Variants in CD1B observed in about 807,000 individuals in gnomAD.
CD1B encodes CD1b molecule, also known as T-cell surface glycoprotein CD1b.
CD1B carries 43 observed loss-of-function variants against 39.8 expected under a neutral mutation model. That is an observed-to-expected ratio of 1.08 (90% CI 0.85 to 1.39). CD1B has a LOEUF of 1.39. Among genes scored for constraint, CD1B ranks in the 40% most tolerant of loss-of-function variants. The probability of loss-of-function intolerance (pLI) is 0.00; values close to 1 mark genes in which losing one functional copy is unlikely to be tolerated. For synonymous variants in CD1B, 192 were observed against 152.5 expected (o/e 1.26, Z -1.91); for missense variants, 495 against 403.8 (o/e 1.23, Z -1.94).
the CD1B span, chr1:158,292,456 A>C: frequency 1.1e-5 from 17 of 1,504,912 alleles, no homozygotes; most frequent in Admixed American, 2.0e-5. Flanking sequence ...AAGAAAGAGG[A>C]CAAGAAGCAG....
the CD1B span, among the ~76,000 whole-genome samples, chr1:158,296,798 A>C: frequency 6.6e-6 from 1 of 152,242 alleles, no homozygotes; most frequent in African/African-American, 2.4e-5. Context: ...AGAATTTTAT[A>C]ATACAATTGG....
the CD1B span, among the ~76,000 whole-genome samples, chr1:158,309,017 A>C: frequency 6.6e-6 from 1 of 152,218 alleles, no homozygotes; most frequent in Admixed American, 6.5e-5. Flanking sequence ...TGCACAGCAA[A>C]AGAAACTACC....
chr1:158,316,354 C>T, the CD1B span, among the ~76,000 whole-genome samples: 1 of 151,740 alleles, frequency 6.6e-6, no homozygotes, highest in African/African-American at 2.4e-5. Context: ...TTGTAGTTCT[C>T]CTTGAAGAGG....
the CD1B span, among the ~76,000 whole-genome samples, chr1:158,295,198 A>C: frequency 3.1e-4 from 47 of 152,258 alleles, no homozygotes; most frequent in Non-Finnish European, 6.0e-4. Flanking sequence ...AGACAAGACC[A>C]TCAAGAAGAG....
At chr1:158,327,287 A>G (rs11800216), downstream of CD1B, among the ~76,000 whole-genome samples, 1,801 of 152,304 alleles carry the variant, frequency 0.012, 37 homozygotes, top group African/African-American at 0.041. Flanking sequence ...CAGAAAAGTT[A>G]TAGGAGTCCC....
At chr1:158,311,954 G>C in the CD1B span, among the ~76,000 whole-genome samples, 1 of 151,954 alleles carries the variant, frequency 6.6e-6, no homozygotes, top group African/African-American at 2.4e-5. Flanking sequence ...TGCCCTTTTT[G>C]CTCAAGATTA....
At chr1:158,309,773 T>C in the CD1B span, among the ~76,000 whole-genome samples, 2 of 146,588 alleles carry the variant, frequency 1.4e-5, no homozygotes, top group African/African-American at 5.1e-5. Context: ...CCGGTGGGAA[T>C]TGAACAATGA....
chr1:158,311,378 C>T, the CD1B span, among the ~76,000 whole-genome samples: 12 of 152,026 alleles, frequency 7.9e-5, no homozygotes, highest in Non-Finnish European at 1.3e-4. Flanking sequence ...AAATAACTTA[C>T]TTTTTTGCCA....
chr1:158,323,322 T>A (rs532306844), downstream of CD1B, among the ~76,000 whole-genome samples: 3 of 152,180 alleles, frequency 2.0e-5, no homozygotes, highest in Non-Finnish European at 4.4e-5. Flanking sequence ...ATCTTTTAGC[T>A]CTAGGATTTC....
Position 158,329,989 on chromosome 1 carries a change from C to A in CD1B, c.470G>T (p.Ser157Ile). ...ASCVPSPEGG[S>I]RAQKFCALII... ...TAGTGCACAGAATTTCTGTGCCCTG[C>A]TGCCACCTTCTGGGGAAGGCACACA... The change falls in exon 3 of 6, where the codon AGC (serine) becomes ATC (isoleucine). Residue 157 changes from serine (S) to isoleucine (I), a missense_variant. Coordinates refer to ENST00000368168, the MANE Select transcript of CD1B (RefSeq NM_001764.3). 1 of 1,614,104 alleles carries A rather than the reference C, an allele frequency of 6.2e-7. No individual in the cohort carries two copies. The highest frequency in any genetic ancestry group is 8.5e-7 in the Non-Finnish European group (1 of 1,180,000).
chr1:158,313,285 A>T, the CD1B span, among the ~76,000 whole-genome samples: 1 of 152,034 alleles, frequency 6.6e-6, no homozygotes, highest in East Asian at 1.9e-4. Context: ...GCGTTTCATT[A>T]GGGATATTGG....
the CD1B span, among the ~76,000 whole-genome samples, chr1:158,318,580 T>G: frequency 1.3e-5 from 2 of 152,236 alleles, no homozygotes; most frequent in Non-Finnish European, 2.9e-5. Flanking sequence ...ATGGGTTTCC[T>G]GAATACAGCA....
At chr1:158,319,361 T>A in the CD1B span, among the ~76,000 whole-genome samples, 3 of 152,174 alleles carry the variant, frequency 2.0e-5, no homozygotes, top group African/African-American at 7.2e-5. Flanking sequence ...CTTTGTTGAT[T>A]TCTTTTTATT....
At chr1:158,285,715 T>C in the CD1B span, among the ~76,000 whole-genome samples, 1 of 152,168 alleles carries the variant, frequency 6.6e-6, no homozygotes, top group Non-Finnish European at 1.5e-5. Context: ...TTAGTGCTTC[T>C]AGTAAGTGGT....
At chr1:158,291,291 G>A in the CD1B span, 1 of 1,614,118 alleles carries the variant, frequency 6.2e-7, no homozygotes, top group East Asian at 2.2e-5. Flanking sequence ...ACTGGTCCAA[G>A]GGCAACTTCA....
the CD1B span, among the ~76,000 whole-genome samples, chr1:158,302,866 CT>C: frequency 2.0e-4 from 31 of 152,166 alleles, no homozygotes; most frequent in African/African-American, 7.5e-4. Flanking sequence ...TAAAGAAAAG[CT>C]GGTATCAATT....
chr1:158,328,760 AT>A (rs539422118), intron 5 of CD1B, among the ~76,000 whole-genome samples, 160 bp downstream of exon 5: 406 of 152,158 alleles, frequency 2.7e-3, no homozygotes, highest in Non-Finnish European at 3.7e-3. Context: ...TTTTAACAGA[AT>A]TTTTTTTAAG....
the CD1B span, among the ~76,000 whole-genome samples, chr1:158,319,723 G>A: frequency 6.6e-6 from 1 of 152,224 alleles, no homozygotes; most frequent in Non-Finnish European, 1.5e-5. Flanking sequence ...CGTTCCTTTG[G>A]AGGAGGAGAG....
chr1:158,306,165 G>A, the CD1B span, among the ~76,000 whole-genome samples: 1 of 152,190 alleles, frequency 6.6e-6, no homozygotes, highest in Non-Finnish European at 1.5e-5. Flanking sequence ...ACCCATCAGT[G>A]TGCTGTATTC....
Sources: allele counts gnomAD v4.1 joint callset (sites outside exome capture counted in the v4.1 genomes callset), GRCh38; gene constraint gnomAD v4.1.1; transcripts MANE v1.5; gene names NCBI Gene and HGNC (gene_info 2026-07-23, HGNC 2026-07-21).